SLC45A3: variants seen among roughly 807,000 people sequenced by gnomAD.
SLC45A3 encodes solute carrier family 45 member 3.
A neutral mutation model predicts 35.3 loss-of-function variants in SLC45A3; 17 were observed. That is an observed-to-expected ratio of 0.48 (90% CI 0.33 to 0.72). The LOEUF is 0.72. Among genes scored for constraint, SLC45A3 ranks in the 30% least tolerant of loss-of-function variants. The pLI is 0.02. For missense variants in SLC45A3, 597 were observed against 731.7 expected, an observed-to-expected ratio of 0.82 and a Z score of 2.12; for synonymous variants, 288 against 334.3, an observed-to-expected ratio of 0.86 and a Z score of 1.51.
Position 205,659,211 on chromosome 1 carries a change from C to A in SLC45A3, c.*23G>T. 3 of 1,580,170 alleles carry A rather than the reference C, an allele frequency of 1.9e-6. No individual in the cohort carries two copies. The highest frequency in any genetic ancestry group is 2.4e-5 in the South Asian group (2 of 84,726). ...CTGGGACCCAGTGAGGCAGGCCCTC[C>A]ACCCCAATGTGCTGGAAGTTTTCTA... On this transcript the variant is annotated 3_prime_UTR_variant, in exon 5 of 5. Coordinates refer to ENST00000367145, the MANE Select transcript of SLC45A3 (RefSeq NM_033102.3). This position sits in a 1 kb window ranked among gnomAD's most constrained non-coding sequence, Gnocchi z 5.8.
intron 1 of SLC45A3, among the ~76,000 whole-genome samples, chr1:205,672,782 C>G (rs993566571): frequency 2.6e-5 from 4 of 152,126 alleles, no homozygotes; most frequent in African/African-American, 9.7e-5. Context: ...GTTTCTACAC[C>G]TGTAAAATGA....
rs765488691 is a variant in SLC45A3 at position 205,663,169 on chromosome 1, G to C, written c.622C>G (p.Leu208Val). 4.3e-6 allele frequency: 7 copies of C among 1,612,946 alleles called. No homozygotes were observed. In the East Asian group the frequency reaches 6.7e-5, roughly 15 times the overall value. The stretch of plus-strand genomic sequence containing the variant: ...AGCAGTGTGGCTGCTACGCAGGTGA[G>C]GAAGATGAGGGTGAGCAGGCCAAAG... ...CLFGLLTLIF[L>V]TCVAATLLVA... The change falls in exon 3 of 5, where the codon CTC (leucine) becomes GTC (valine). Residue 208 changes from leucine to valine, a missense_variant. Around this residue, in one of 3 missense-constraint regions of SLC45A3, gnomAD observed 555 missense variants for 664.9 expected, o/e 0.83. Coordinates refer to ENST00000367145, the MANE Select transcript of SLC45A3 (RefSeq NM_033102.3).
In SLC45A3 at chr1:205,666,904, G is replaced by A. The variant is rs1377485913; in HGVS notation, c.-230-2018C>T. 6.6e-6 allele frequency among the ~76,000 whole-genome samples: 1 copy of A among 152,158 alleles called. No homozygotes were observed. The highest frequency in any genetic ancestry group is 1.9e-4 in the East Asian group (1 of 5,194). ...AAAGGGAGGGGTTCTGCGGCCAAAGGCTTCCAGCCCATTCCACTCCCCACC... is the reference window on the plus strand; with the variant it reads ...AAAGGGAGGGGTTCTGCGGCCAAAGACTTCCAGCCCATTCCACTCCCCACC... On this transcript the variant is annotated intron_variant, in intron 1 of 4. Transcript: ENST00000367145. This position sits in a 1 kb window ranked among gnomAD's most constrained non-coding sequence, Gnocchi z 4.1.
At chr1:205,677,157 G>T (rs969910770) in intron 1 of SLC45A3, among the ~76,000 whole-genome samples, 1 of 152,154 alleles carries the variant, frequency 6.6e-6, no homozygotes, top group African/African-American at 2.4e-5. Flanking sequence ...CAGCCTGAGG[G>T]GTACACTCTG....
At position 205,664,459 on chromosome 1, in the gene SLC45A3, G is replaced by A. The variant is rs1368520760; in HGVS notation, c.172+26C>T. The A allele has an allele frequency of 3.7e-6, 6 of 1,612,128 alleles. No individual in the cohort carries two copies. The Admixed American group carries it at 5.0e-5, about 13-fold the overall frequency. ...GCCAGGTGGCATGTATCTGGAACAG[G>A]AAGGAAGGAGGATGTAGTGACTCAC... On this transcript the variant is annotated intron_variant, in intron 2 of 4. Coordinates refer to ENST00000367145, the MANE Select transcript of SLC45A3 (RefSeq NM_033102.3). This position sits in a 1 kb window ranked among gnomAD's most constrained non-coding sequence, Gnocchi z 5.3.
intron 1 of SLC45A3, among the ~76,000 whole-genome samples, chr1:205,679,685 A>AACACACACACACACACACACACACACAC (rs55762304): frequency 2.2e-5 from 3 of 138,776 alleles, no homozygotes; most frequent in African/African-American, 8.2e-5. Context: ...GGGACACAGT[A>AACACACACACACACACACACACACACAC]ACACACACAC....
rs1463598087 is a variant in SLC45A3 at position 205,662,843 on chromosome 1, G to A, written c.948C>T (p.His316=). 1 of 1,591,072 alleles carries A rather than the reference G, an allele frequency of 6.3e-7. No homozygotes were observed. The highest frequency in any genetic ancestry group is 1.7e-5 in the Admixed American group (1 of 58,490). The stretch of plus-strand genomic sequence containing the variant: ...CTGCCAAGGCCTTACCTTCATCATA[G>A]TGTCTCCGGGCCTCGGTGCCCGGCT... ...RAEPGTEARR[H]YDEGVRMGSL... Residue 316 remains histidine (H), a synonymous_variant, in exon 3 of 5, where the codon CAC becomes CAT. Coordinates refer to ENST00000367145, the MANE Select transcript of SLC45A3 (RefSeq NM_033102.3). This position sits in a 1 kb window ranked among gnomAD's most constrained non-coding sequence, Gnocchi z 6.2.
chr1:205,672,074 T>C (rs1671226826), intron 1 of SLC45A3, among the ~76,000 whole-genome samples: 2 of 152,156 alleles, frequency 1.3e-5, no homozygotes. Flanking sequence ...GGAGTGTGTT[T>C]GAGATACAGG....
chr1:205,674,404 T>C (rs1001847873), intron 1 of SLC45A3, among the ~76,000 whole-genome samples: 4 of 151,418 alleles, frequency 2.6e-5, no homozygotes, highest in Non-Finnish European at 5.9e-5. Flanking sequence ...CTGGGCAACA[T>C]GGTAAAACCT....
intron 1 of SLC45A3, among the ~76,000 whole-genome samples, chr1:205,668,423 T>C (rs1671153070): frequency 6.6e-6 from 1 of 152,120 alleles, no homozygotes; most frequent in African/African-American, 2.4e-5. Flanking sequence ...ACCACTTTTC[T>C]GGCCACCACT....
In SLC45A3 at chr1:205,675,905, G is replaced by A. The variant is rs914419844; in HGVS notation, c.-231+4489C>T. Among the ~76,000 whole-genome samples the A allele has an allele frequency of 6.6e-5, 10 of 152,112 alleles. No homozygotes were observed. The East Asian group carries it at 1.2e-3, about 18-fold the overall frequency. ...GCCCCCAGGGTTGGACGCTGCCCACGGTCCTCAGGGTCTTGGATTTGCAGT... is the reference window on the plus strand; with the variant it reads ...GCCCCCAGGGTTGGACGCTGCCCACAGTCCTCAGGGTCTTGGATTTGCAGT... On this transcript the variant is annotated intron_variant, in intron 1 of 4. Transcript: ENST00000367145.
rs550160273 is a variant in SLC45A3, at chr1:205,676,380, AG to A, written c.-231+4013del. 9.9e-5 allele frequency among the ~76,000 whole-genome samples: 15 copies of A among 152,282 alleles called. No individual in the cohort carries two copies. The South Asian group carries it at 1.7e-3, about 17-fold the overall frequency. ...CTGGGGGACTGTGGACTACAGCGCC[AG>A]GAAGTGGCCTCCAAACCCCTTCTTG... On this transcript the variant is annotated intron_variant, in intron 1 of 4. Transcript: ENST00000367145.
At position 205,666,846 on chromosome 1, in the gene SLC45A3, GCA is replaced by G. The variant is rs757502676; in HGVS notation, c.-230-1962_-230-1961del. ...CCCCCAAGAAGGAAAGCAGGAGACA[GCA>G]CAGAGACCAAGAGGCAGTGCTATCC... On this transcript the variant is annotated intron_variant, in intron 1 of 4. Transcript: ENST00000367145. This position sits in a 1 kb window ranked among gnomAD's most constrained non-coding sequence, Gnocchi z 4.1. Among the ~76,000 whole-genome samples the G allele has an allele frequency of 6.6e-5, 10 of 152,212 alleles. No individual in the cohort carries two copies. The highest frequency in any genetic ancestry group is 1.3e-4 in the Non-Finnish European group (9 of 68,036).
chr1:205,672,401 T>C (rs1294973004), intron 1 of SLC45A3, among the ~76,000 whole-genome samples: 1 of 152,290 alleles, frequency 6.6e-6, no homozygotes, highest in East Asian at 1.9e-4. Context: ...GATCCCATAG[T>C]TATGAGACAG....
Position 205,663,576 on chromosome 1 carries a change from C to G in SLC45A3, c.215G>C (p.Gly72Ala). ...VLGLVCVPLLGSASDHWRGRY... is the reference protein window; with the variant it reads ...VLGLVCVPLLASASDHWRGRY... ...TCCACGCCAGTGGTCACTGGCTGAG[C>G]CTAGGAGCGGGACACAGACCAGGCC... The change falls in exon 3 of 5, where the codon GGC (glycine) becomes GCC (alanine). Residue 72 changes from glycine to alanine, a missense_variant. Coordinates refer to ENST00000367145, the MANE Select transcript of SLC45A3 (RefSeq NM_033102.3). 1 of 1,609,758 alleles carries G rather than the reference C, an allele frequency of 6.2e-7. No homozygotes were observed. Among genetic ancestry groups the G allele is most frequent in the Non-Finnish European group, 8.5e-7 (1 of 1,178,934 alleles).
At chr1:205,673,080 C>A (rs1671245959) in intron 1 of SLC45A3, among the ~76,000 whole-genome samples, 1 of 152,198 alleles carries the variant, frequency 6.6e-6, no homozygotes, top group Admixed American at 6.5e-5. Flanking sequence ...CCTGCCCACA[C>A]ACTCTCAGGT....
In SLC45A3 at chr1:205,662,079, G is replaced by C; in HGVS notation, c.1006C>G (p.Leu336Val). 6.2e-7 allele frequency: 1 copy of C among 1,614,126 alleles called. No homozygotes were observed. The highest frequency in any genetic ancestry group is 8.5e-7 in the Non-Finnish European group (1 of 1,180,010). ...LGLFLQCAIS[L>V]VFSLVMDRLV... is the part of the protein sequence containing the mutation. ...CGGTCCATGACCAGAGAGAAGACCA[G>C]GGAGATGGCGCACTGCAGGAACAGC... The change falls in exon 4 of 5, where the codon CTG becomes GTG. Residue 336 changes from leucine (L) to valine (V), a missense_variant. This residue lies in a region of SLC45A3 where 555 missense variants were observed against 664.9 expected (regional missense o/e 0.83). Transcript: ENST00000367145. The surrounding 1 kb of genome is among the most constrained non-coding windows in gnomAD (Gnocchi z 6.2).
intron 1 of SLC45A3, among the ~76,000 whole-genome samples, chr1:205,673,802 G>T (rs1181355209): frequency 6.6e-6 from 1 of 152,206 alleles, no homozygotes; most frequent in Non-Finnish European, 1.5e-5. Context: ...CAAGGAAAGG[G>T]TAGGCTCTCA....
intron 1 of SLC45A3, among the ~76,000 whole-genome samples, chr1:205,670,717 A>G (rs1461279773): frequency 1.3e-5 from 2 of 152,218 alleles, no homozygotes; most frequent in African/African-American, 4.8e-5. Flanking sequence ...GGGATTAGGG[A>G]GAAACCTCTC....
Sources: allele counts gnomAD v4.1 joint callset (sites outside exome capture counted in the v4.1 genomes callset), GRCh38; gene constraint gnomAD v4.1.1; regional missense constraint gnomAD v4.1.1; non-coding constraint Gnocchi (gnomAD v3.1); transcripts MANE v1.5; gene names NCBI Gene and HGNC (gene_info 2026-07-23, HGNC 2026-07-21).